Variants in SLIT2 observed in about 807,000 individuals in gnomAD.
SLIT2 encodes slit guidance ligand 2, also known as slit homolog 2 protein.
SLIT2 carries 41 observed loss-of-function variants against 185.7 expected under a neutral mutation model. That is an observed-to-expected ratio of 0.22 (90% CI 0.17 to 0.29). The LOEUF (loss-of-function observed/expected upper bound fraction) is 0.29, where lower values mean the gene tolerates loss of function less well. Ranked by LOEUF, SLIT2 falls within the 10% of genes least tolerant of loss-of-function variation. SLIT2 has a pLI of 1.00. For missense variants in SLIT2, 1,571 were observed against 1,909.0 expected (o/e 0.82, Z 3.30); for synonymous variants, 693 against 680.2 (o/e 1.02, Z -0.29).
At chr4:20,322,362 G>A (rs927690087) in intron 4 of SLIT2, among the ~76,000 whole-genome samples, 2 of 152,060 alleles carry the variant, frequency 1.3e-5, no homozygotes, top group Non-Finnish European at 2.9e-5. Context: ...GTCCAGAAAC[G>A]CAGGACAACT....
intron 4 of SLIT2, among the ~76,000 whole-genome samples, chr4:20,409,780 A>G (rs879044302): frequency 3.9e-5 from 6 of 152,078 alleles, no homozygotes; most frequent in Non-Finnish European, 8.8e-5. Flanking sequence ...GTGTGAGATG[A>G]TATCTCATTG....
chr4:20,529,832 C>T (rs1274599435), intron 16 of SLIT2, among the ~76,000 whole-genome samples: 3 of 152,140 alleles, frequency 2.0e-5, no homozygotes, highest in East Asian at 1.9e-4. Context: ...ATTCTCTAAA[C>T]ATCTTAGCCA....
At chr4:20,278,620 C>G (rs914414359) in intron 4 of SLIT2, among the ~76,000 whole-genome samples, 1 of 151,522 alleles carries the variant, frequency 6.6e-6, no homozygotes, top group Admixed American at 6.6e-5. Context: ...GAGTTAGTTG[C>G]AAGACAAAAC....
At chr4:20,594,359 A>C (rs1186900925) in intron 30 of SLIT2, among the ~76,000 whole-genome samples, 3 of 151,632 alleles carry the variant, frequency 2.0e-5, no homozygotes, top group Non-Finnish European at 4.4e-5. Context: ...CAGGCTTTGC[A>C]GTTATGTGTA....
intron 4 of SLIT2, among the ~76,000 whole-genome samples, chr4:20,344,610 C>T (rs561991196): frequency 6.6e-6 from 1 of 152,248 alleles, no homozygotes; most frequent in South Asian, 2.1e-4. Context: ...CTTTTACTTC[C>T]AAAGTCTTCA....
chr4:20,315,964 A>G (rs186377556), intron 4 of SLIT2, among the ~76,000 whole-genome samples: 1 of 152,078 alleles, frequency 6.6e-6, no homozygotes, highest in East Asian at 1.9e-4. Flanking sequence ...TGATTTTCCT[A>G]CTTACTTTGC....
chr4:20,438,107 C>CT (rs1157562363), intron 4 of SLIT2, among the ~76,000 whole-genome samples: 2 of 152,048 alleles, frequency 1.3e-5, no homozygotes, highest in East Asian at 3.9e-4. Context: ...GGAATACTCT[C>CT]TTTTCTGGTC....
chr4:20,601,891 T>A (rs946098562), intron 33 of SLIT2, among the ~76,000 whole-genome samples: 1 of 152,240 alleles, frequency 6.6e-6, no homozygotes, highest in African/African-American at 2.4e-5. Flanking sequence ...AAACATTGTT[T>A]TCCAAATTTT....
chr4:20,291,471 T>C (rs1339041590), intron 4 of SLIT2, among the ~76,000 whole-genome samples: 1 of 8,470 alleles, frequency 1.2e-4, no homozygotes, highest in Non-Finnish European at 3.3e-4. Flanking sequence ...TATATATATA[T>C]ATATATATAT....
At chr4:20,326,664 G>A (rs764395205) in intron 4 of SLIT2, among the ~76,000 whole-genome samples, 2 of 149,602 alleles carry the variant, frequency 1.3e-5, no homozygotes, top group Non-Finnish European at 3.0e-5. Context: ...CTCTTATTCT[G>A]AGTCTTCTTG....
In SLIT2 at chr4:20,291,472, ATATATATATATATATATATATTTTTT is replaced by A. The variant is rs1451033164; in HGVS notation, c.395+22593_395+22618del. 9.8e-3 allele frequency among the ~76,000 whole-genome samples: 169 copies of A among 17,282 alleles called. 1 individual carries two copies. The highest frequency in any genetic ancestry group is 0.025 in the East Asian group (14 of 570). The allele number at this position is 17,282 out of a possible 152,430, so 11.3% of individuals were successfully genotyped here. On this transcript the variant is annotated intron_variant, in intron 4 of 36. Coordinates refer to ENST00000504154, the MANE Select transcript of SLIT2 (RefSeq NM_004787.4). ...CATATATATATATATATATATATAT[ATATATATATATATATATATATTTTTT>A]TTTTTTTTTTTTTTTTTTTTTTTTT... is the stretch of plus-strand genomic sequence containing the variant.
intron 18 of SLIT2, among the ~76,000 whole-genome samples, chr4:20,537,649 C>T (rs188053142): frequency 5.3e-5 from 8 of 152,268 alleles, no homozygotes; most frequent in African/African-American, 1.7e-4. Context: ...CGGACTCCCT[C>T]CTTAATCTAG....
intron 26 of SLIT2, chr4:20,554,170 G>T: frequency 1.6e-6 from 1 of 607,000 alleles, no homozygotes; most frequent in Non-Finnish European, 2.9e-6. Context: ...CTCAGAAATA[G>T]TCCATTGGTA....
Position 20,253,645 on chromosome 4 carries a change from T to TC in SLIT2, c.-171_-170insC. The TC allele has an allele frequency of 1.4e-6, 1 of 707,308 alleles. No homozygotes were observed. Among genetic ancestry groups the TC allele is most frequent in the Admixed American group, 2.9e-5 (1 of 34,854 alleles). 43.8% of individuals were successfully genotyped at this position (707,308 alleles called of 1,614,324 possible). On this transcript the variant is annotated 5_prime_UTR_variant, in exon 1 of 37. Coordinates refer to ENST00000504154, the MANE Select transcript of SLIT2 (RefSeq NM_004787.4). ...GGTGGAGAGGGCGGTGGGAGGCGTGTGCCTGAGTGGGCTCTACTGCCTTGT... is the reference window on the plus strand; with the variant it reads ...GGTGGAGAGGGCGGTGGGAGGCGTGTCGCCTGAGTGGGCTCTACTGCCTTGT...
chr4:20,408,330 T>C (rs1274705701), intron 4 of SLIT2, among the ~76,000 whole-genome samples: 1 of 152,168 alleles, frequency 6.6e-6, no homozygotes, highest in African/African-American at 2.4e-5. Context: ...ACCAGAAGAA[T>C]GTAAACCACA....
chr4:20,309,687 C>T (rs928523463), intron 4 of SLIT2, among the ~76,000 whole-genome samples: 1 of 151,488 alleles, frequency 6.6e-6, no homozygotes, highest in Non-Finnish European at 1.5e-5. Context: ...CTGTGATAAC[C>T]TCAGTGTCCT....
intron 4 of SLIT2, among the ~76,000 whole-genome samples, chr4:20,446,795 G>A (rs114394323): frequency 0.023 from 3,453 of 152,126 alleles, 68 homozygotes; most frequent in East Asian, 0.081. Flanking sequence ...ATGTACAGAC[G>A]GATAATAGGA....
intron 4 of SLIT2, among the ~76,000 whole-genome samples, chr4:20,343,009 T>C (rs1199605732): frequency 1.3e-5 from 2 of 152,072 alleles, no homozygotes; most frequent in Non-Finnish European, 2.9e-5. Flanking sequence ...TTTTGTTACA[T>C]GCATAGAATG....
intron 4 of SLIT2, among the ~76,000 whole-genome samples, chr4:20,281,185 A>G (rs1371076637): frequency 6.6e-6 from 1 of 152,190 alleles, no homozygotes; most frequent in Non-Finnish European, 1.5e-5. Flanking sequence ...TTAAGTGGTG[A>G]TCTTGATACT....
Sources: allele counts gnomAD v4.1 joint callset (sites outside exome capture counted in the v4.1 genomes callset), GRCh38; gene constraint gnomAD v4.1.1; transcripts MANE v1.5; gene names NCBI Gene and HGNC (gene_info 2026-07-23, HGNC 2026-07-21).